Variants in ATP8A2 observed in about 807,000 individuals in gnomAD.
ATP8A2 encodes phospholipid-transporting ATPase IB.
ATP8A2 carries 100 observed loss-of-function variants against 165.6 expected under a neutral mutation model. The observed-to-expected ratio is 0.60, with a 90% CI of 0.51 to 0.71. The LOEUF is 0.71. Ranked by LOEUF, ATP8A2 falls within the 30% of genes least tolerant of loss-of-function variation. The pLI is 0.00. For synonymous variants in ATP8A2, 543 were observed against 548.8 expected, an observed-to-expected ratio of 0.99 and a Z score of 0.15; for missense variants, 1,227 against 1,479.5, an observed-to-expected ratio of 0.83 and a Z score of 2.80.
intron 24 of ATP8A2, among the ~76,000 whole-genome samples, chr13:25,675,712 G>A (rs2042357782): frequency 2.0e-5 from 3 of 152,134 alleles, no homozygotes; most frequent in South Asian, 4.1e-4. Flanking sequence ...GAGTGAACAT[G>A]TTTGGAAGAG....
At chr13:25,829,680 A>ATATATG (rs1951410662) in intron 28 of ATP8A2, among the ~76,000 whole-genome samples, 1 of 28,898 alleles carries the variant, frequency 3.5e-5, no homozygotes, top group Non-Finnish European at 6.9e-5. Context: ...ATATATATAT[A>ATATATG]TATATATATA....
In ATP8A2 at chr13:25,557,575, G is replaced by A. The variant is rs143543982; in HGVS notation, c.1264-1398G>A. On this transcript the variant is annotated intron_variant, in intron 13 of 36. Transcript: ENST00000381655. ...CCAAACATAAATACAGTAAAATAAG[G>A]GGTATGAGTGATGTAGTGTCCATTT... Among the ~76,000 whole-genome samples, 27 of 152,230 alleles carry A rather than the reference G, an allele frequency of 1.8e-4. No homozygotes were observed. The East Asian group carries it at 5.2e-3, about 29-fold the overall frequency.
intron 26 of ATP8A2, 59 bp from the exon 27 acceptor site, chr13:25,774,790 T>A (rs1248137868): frequency 1.0e-6 from 1 of 977,300 alleles, no homozygotes; most frequent in African/African-American, 1.6e-5. Flanking sequence ...GACATTCTGT[T>A]TGTGACTTTT....
intron 32 of ATP8A2, 83 bp downstream of exon 32, chr13:25,860,943 T>A (rs1176267464): frequency 6.3e-6 from 6 of 947,548 alleles, no homozygotes; most frequent in Admixed American, 4.2e-5. Flanking sequence ...GGGGAAACCA[T>A]AAGCAATATC....
At chr13:25,950,423 GTAA>G (rs1349253913) in intron 33 of ATP8A2, among the ~76,000 whole-genome samples, 2 of 152,130 alleles carry the variant, frequency 1.3e-5, no homozygotes, top group African/African-American at 4.8e-5. Context: ...GAAAAATCAG[GTAA>G]TAATTTGAGG....
intron 2 of ATP8A2, among the ~76,000 whole-genome samples, chr13:25,524,441 A>G (rs559281857): frequency 6.6e-5 from 10 of 152,244 alleles, no homozygotes; most frequent in Non-Finnish European, 1.2e-4. Context: ...TGATCTGTCC[A>G]TTACTGACAG....
chr13:25,640,310 C>T (rs1399018934), intron 24 of ATP8A2, among the ~76,000 whole-genome samples: 1 of 151,966 alleles, frequency 6.6e-6, no homozygotes, highest in Non-Finnish European at 1.5e-5. Context: ...TCAATGAATC[C>T]AGGAGCTGGT....
chr13:25,520,805 A>G (rs956622071), intron 2 of ATP8A2, among the ~76,000 whole-genome samples: 2 of 151,894 alleles, frequency 1.3e-5, no homozygotes, highest in African/African-American at 4.8e-5. Flanking sequence ...TAGTAGAGAC[A>G]AGGTTTCACC....
intron 10 of ATP8A2, among the ~76,000 whole-genome samples, chr13:25,545,549 C>T (rs1192951292): frequency 6.6e-6 from 1 of 152,116 alleles, no homozygotes; most frequent in Non-Finnish European, 1.5e-5. Context: ...AGAAAGTATC[C>T]TTTAACTCCC....
At chr13:25,867,813 CTGGGAATGGG>C (rs1395959391) in intron 33 of ATP8A2, 1 of 177,308 alleles carries the variant, frequency 5.6e-6, no homozygotes, top group African/African-American at 2.4e-5. Context: ...TGCTGTGATG[CTGGGAATGGG>C]TCAGCCACAG....
At chr13:25,789,571 A>G (rs2045115175) in intron 27 of ATP8A2, among the ~76,000 whole-genome samples, 1 of 152,240 alleles carries the variant, frequency 6.6e-6, no homozygotes, top group Non-Finnish European at 1.5e-5. Flanking sequence ...ACGCTGCTCA[A>G]AAAAATCAGA....
chr13:25,911,923 T>A (rs963547153), intron 33 of ATP8A2, among the ~76,000 whole-genome samples: 9 of 152,300 alleles, frequency 5.9e-5, no homozygotes, highest in Admixed American at 3.3e-4. Flanking sequence ...TAGTTTGGAA[T>A]GTGAATTAAT....
chr13:25,591,384 C>T (rs752628968), intron 24 of ATP8A2: 4 of 456,386 alleles, frequency 8.8e-6, no homozygotes, highest in South Asian at 3.1e-5. Context: ...GTAAGTACCT[C>T]GTGTAAGTTC....
intron 33 of ATP8A2, chr13:25,927,193 C>T (rs1954633726): frequency 8.8e-6 from 4 of 456,730 alleles, no homozygotes; most frequent in South Asian, 1.5e-5. Context: ...GGTCCCTGTG[C>T]CCCGGAGCCC....
intron 1 of ATP8A2, among the ~76,000 whole-genome samples, chr13:25,392,952 C>G (rs1366023781): frequency 6.6e-6 from 1 of 151,840 alleles, no homozygotes; most frequent in Non-Finnish European, 1.5e-5. Context: ...GGATTCTGAT[C>G]CTTTTGATTA....
At chr13:25,718,523 G>T (rs966874980) in intron 25 of ATP8A2, among the ~76,000 whole-genome samples, 2 of 152,034 alleles carry the variant, frequency 1.3e-5, no homozygotes, top group African/African-American at 4.8e-5. Context: ...CTGTTATTTT[G>T]CTGCCATTCT....
At chr13:25,952,239 C>G (rs1417286811) in intron 33 of ATP8A2, among the ~76,000 whole-genome samples, 3 of 152,280 alleles carry the variant, frequency 2.0e-5, no homozygotes, top group Admixed American at 2.0e-4. Context: ...AAGCTCTAGG[C>G]ATTTCGTACA....
At chr13:25,375,579 A>G (rs1056883388) in intron 1 of ATP8A2, among the ~76,000 whole-genome samples, 9 of 127,342 alleles carry the variant, frequency 7.1e-5, no homozygotes, top group Non-Finnish European at 1.1e-4. Flanking sequence ...GAGGACTACA[A>G]ATATTCTTTT....
chr13:25,796,803 C>T (rs1170654958), intron 27 of ATP8A2, among the ~76,000 whole-genome samples: 2 of 151,892 alleles, frequency 1.3e-5, no homozygotes, highest in African/African-American at 4.8e-5. Flanking sequence ...AGTGTAGTTC[C>T]CATGGTAGTG....
Sources: gnomAD v4.1 joint callset for allele counts (sites outside exome capture counted in the v4.1 genomes callset) on GRCh38, gnomAD v4.1.1 for gene constraint, MANE v1.5 for transcripts, NCBI Gene and HGNC (gene_info 2026-07-23, HGNC 2026-07-21) for gene names.